The following ADGRL2 variants were observed in gnomAD, a reference collection of about 807,000 sequenced individuals.
ADGRL2 encodes calcium-independent alpha-latrotoxin receptor 2.
Under a neutral mutation model 157.4 loss-of-function variants are expected in ADGRL2, and 44 were observed. That is an observed-to-expected ratio of 0.28 (90% confidence interval 0.22 to 0.36). The LOEUF is 0.36. ADGRL2 is among the 10% of genes least tolerant of loss of function. ADGRL2 has a pLI of 1.00. For missense variants in ADGRL2, 1,510 were observed against 1,768.9 expected (o/e 0.85, Z 2.63); for synonymous variants, 585 against 624.7 (o/e 0.94, Z 0.95).
intron 1 of ADGRL2, among the ~76,000 whole-genome samples, chr1:81,372,148 C>T (rs949376907): frequency 2.6e-5 from 4 of 152,114 alleles, no homozygotes; most frequent in Non-Finnish European, 5.9e-5. Flanking sequence ...TCTGCAATGT[C>T]GGTAGAACCT....
At chr1:81,847,499 G>T (rs984580366) in intron 2 of ADGRL2, among the ~76,000 whole-genome samples, 1 of 151,848 alleles carries the variant, frequency 6.6e-6, no homozygotes, top group African/African-American at 2.4e-5. Context: ...AACCATAGTT[G>T]AAATATAGAA....
intron 1 of ADGRL2, among the ~76,000 whole-genome samples, chr1:81,343,087 CTTTTCT>C (rs1319448086): frequency 7.1e-5 from 9 of 127,490 alleles, no homozygotes; most frequent in Admixed American, 1.7e-4. Flanking sequence ...TTTCTTTTTT[CTTTTCT>C]TTTTTTTTTT....
At chr1:81,530,728 G>A (rs771275984) in intron 2 of ADGRL2, among the ~76,000 whole-genome samples, 1 of 152,070 alleles carries the variant, frequency 6.6e-6, no homozygotes, top group Non-Finnish European at 1.5e-5. Flanking sequence ...TAAGTGACAC[G>A]AGCAGTGTAG....
At chr1:81,544,095 C>G (rs574033829) in intron 2 of ADGRL2, among the ~76,000 whole-genome samples, 34 of 152,192 alleles carry the variant, frequency 2.2e-4, no homozygotes, top group South Asian at 8.3e-4. Flanking sequence ...ATCTGGCAAC[C>G]CTGATTCCCT....
intron 1 of ADGRL2, among the ~76,000 whole-genome samples, chr1:81,751,075 G>A (rs995747983): frequency 2.0e-5 from 3 of 152,060 alleles, no homozygotes; most frequent in African/African-American, 4.8e-5. Flanking sequence ...GCTGAAATAC[G>A]GAAGTATTAA....
chr1:81,557,122 T>C (rs2080302167), intron 2 of ADGRL2: 1 of 175,598 alleles, frequency 5.7e-6, no homozygotes, highest in South Asian at 1.6e-4. Context: ...GTTGTTCAGG[T>C]TGGCTTCAGA....
chr1:81,779,990 C>T (rs1369767382), intron 2 of ADGRL2, among the ~76,000 whole-genome samples: 3 of 152,162 alleles, frequency 2.0e-5, no homozygotes, highest in Non-Finnish European at 2.9e-5. Flanking sequence ...TGCAGCTCTG[C>T]CAACACATCT....
At chr1:81,577,308 T>G (rs2080817530) in intron 2 of ADGRL2, among the ~76,000 whole-genome samples, 1 of 152,206 alleles carries the variant, frequency 6.6e-6, no homozygotes, top group African/African-American at 2.4e-5. Context: ...ATGCAGTCCC[T>G]GCTTTCATCC....
chr1:81,353,469 G>T (rs767101007), intron 1 of ADGRL2, among the ~76,000 whole-genome samples: 2 of 152,146 alleles, frequency 1.3e-5, no homozygotes, highest in African/African-American at 4.8e-5. Context: ...ACCTAGAAAA[G>T]ATGCAGATTC....
chr1:81,801,984 A>C (rs569668660), intron 1 of ADGRL2, among the ~76,000 whole-genome samples: 203 of 150,524 alleles, frequency 1.3e-3, no homozygotes, highest in African/African-American at 4.3e-3. Flanking sequence ...ACTTAACCCC[A>C]GGAGCCGCCC....
intron 1 of ADGRL2, among the ~76,000 whole-genome samples, chr1:81,729,019 A>T (rs2084634251): frequency 6.6e-6 from 1 of 152,006 alleles, no homozygotes; most frequent in Non-Finnish European, 1.5e-5. Flanking sequence ...TCTGATAAAC[A>T]TCCCAAAAGG....
intron 3 of ADGRL2, among the ~76,000 whole-genome samples, chr1:81,669,653 G>A (rs917163171): frequency 6.6e-6 from 1 of 152,000 alleles, no homozygotes; most frequent in African/African-American, 2.4e-5. Flanking sequence ...ATTTAAAAGA[G>A]GACACCTGGC....
intron 1 of ADGRL2, among the ~76,000 whole-genome samples, chr1:81,394,326 A>G (rs1353601018): frequency 6.6e-6 from 1 of 151,992 alleles, no homozygotes; most frequent in Non-Finnish European, 1.5e-5. Context: ...TTTAGCTGTA[A>G]TTTTGCCTCC....
chr1:81,712,571 G>A (rs72715713), intron 1 of ADGRL2, among the ~76,000 whole-genome samples: 2,732 of 152,036 alleles, frequency 0.018, 42 homozygotes, highest in South Asian at 0.051. Flanking sequence ...TATGCCAAAG[G>A]TTACAAAAGC....
intron 3 of ADGRL2, among the ~76,000 whole-genome samples, chr1:81,644,278 C>T (rs1039204301): frequency 1.3e-5 from 2 of 151,864 alleles, no homozygotes; most frequent in Admixed American, 6.6e-5. Context: ...TAGAAGATAA[C>T]GTAGGAGGAA....
At chr1:81,498,060 A>AATT (rs1035296681) in intron 2 of ADGRL2, among the ~76,000 whole-genome samples, 1 of 152,114 alleles carries the variant, frequency 6.6e-6, no homozygotes, top group Admixed American at 6.5e-5. Flanking sequence ...TAATAATAAT[A>AATT]ATAAATGAAT....
intron 3 of ADGRL2, among the ~76,000 whole-genome samples, chr1:81,629,328 G>A (rs966676642): frequency 2.0e-5 from 3 of 151,940 alleles, no homozygotes; most frequent in African/African-American, 7.3e-5. Context: ...ATGCCTGAAG[G>A]TATTAACAAA....
Position 81,970,472 on chromosome 1 carries a change from T to C in ADGRL2, c.2892T>C (p.Phe964=), listed in dbSNP as rs1418839761. 2.5e-6 allele frequency: 4 copies of C among 1,572,700 alleles called. No homozygotes were observed. In the East Asian group the frequency reaches 9.0e-5, roughly 35 times the overall value. The change falls in exon 16 of 24, where the codon TTT becomes TTC. Residue 964 remains phenylalanine (F), a synonymous_variant. Transcript: ENST00000686636. ...ATTACTATGTTGCTGGTTACTTGTT[T>C]CCTGCCACAGTGGTTGGAGTTTCAG... ...KKYYYVAGYL[F]PATVVGVSAA...
Position 81,992,260 on chromosome 1 carries a change from AATTT to A in ADGRL2, c.*1120_*1123del, listed in dbSNP as rs1664700059. 1 of 152,602 alleles carries A rather than the reference AATTT, an allele frequency of 6.6e-6. No individual in the cohort carries two copies. Among genetic ancestry groups the A allele is most frequent in the Admixed American group, 6.6e-5 (1 of 15,264 alleles). 9.5% of individuals were successfully genotyped at this position (152,602 alleles called of 1,614,324 possible). A position where few individuals can be genotyped will look rare whatever the true frequency, so the allele number is the denominator to read the frequency against. ...TTCCTTCTGCCTATATTTAGTAATT[AATTT>A]ATTTTATGATAAAGTTCTAATGAAA... is the stretch of plus-strand genomic sequence containing the variant. On this transcript the variant is annotated 3_prime_UTR_variant, in exon 24 of 24. Coordinates refer to ENST00000686636, the MANE Select transcript of ADGRL2 (RefSeq NM_001366006.2).
Sources: gnomAD v4.1 joint callset for allele counts (sites outside exome capture counted in the v4.1 genomes callset) on GRCh38, gnomAD v4.1.1 for gene constraint, MANE v1.5 for transcripts, NCBI Gene and HGNC (gene_info 2026-07-23, HGNC 2026-07-21) for gene names.